The following MYBPC2 variants were observed in gnomAD, a reference collection of about 807,000 sequenced individuals.
MYBPC2 encodes the protein myosin-binding protein C, fast-type.
In MYBPC2, 122 loss-of-function variants were observed where a neutral mutation model predicts 137.0. The observed-to-expected ratio is 0.89, with a 90% CI of 0.77 to 1.03. MYBPC2 has a LOEUF of 1.03. Among genes scored for constraint, MYBPC2 ranks in the 50% least tolerant of loss-of-function variants. MYBPC2 has a pLI of 0.00. For missense variants in MYBPC2, 1,500 were observed against 1,534.4 expected (o/e 0.98, Z 0.37); for synonymous variants, 626 against 612.3 (o/e 1.02, Z -0.33).
rs34206117 is a variant in MYBPC2, at chr19:50,456,082, G to GTCCATCCATCCATCCATCCA, written c.2338+461_2338+480dup. ...CATCCATCCATCCATTCATCTTACC[G>GTCCATCCATCCATCCATCCA]TCCATCCATCCATCCATCCATCCAT... On this transcript the variant is annotated intron_variant, in intron 20 of 27. Coordinates refer to ENST00000357701, the MANE Select transcript of MYBPC2 (RefSeq NM_004533.4). Among the ~76,000 whole-genome samples, 13 of 127,896 alleles carry GTCCATCCATCCATCCATCCA rather than the reference G, an allele frequency of 1.0e-4. No homozygotes were observed. The East Asian group carries it at 3.3e-3, about 33-fold the overall frequency. The allele number at this position is 127,896 out of a possible 152,430, so 83.9% of individuals were successfully genotyped here. A position where few individuals can be genotyped will look rare whatever the true frequency, so the allele number is the denominator to read the frequency against.
chr19:50,436,563 G>T, intron 4 of MYBPC2, 54 bp from the exon 5 acceptor site: 1 of 1,450,466 alleles, frequency 6.9e-7, no homozygotes, highest in Non-Finnish European at 9.7e-7. Flanking sequence ...TGAGGAATAT[G>T]GGGTGGCTCT....
At position 50,433,912 on chromosome 19, in the gene MYBPC2, C is replaced by T. The variant is rs542746331; in HGVS notation, c.19+940C>T. Among the ~76,000 whole-genome samples the T allele has an allele frequency of 3.9e-5, 6 of 152,174 alleles. No homozygotes were observed. The South Asian group carries it at 8.3e-4, about 21-fold the overall frequency. ...GCAACATGGCGAGACCTTGTCTCTA[C>T]AAAAAATTAAAAATCAGCCAGGTGT... is the stretch of plus-strand genomic sequence containing the variant. On this transcript the variant is annotated intron_variant, in intron 1 of 27. Coordinates refer to ENST00000357701, the MANE Select transcript of MYBPC2 (RefSeq NM_004533.4).
rs1025609674 is a variant in MYBPC2 at position 50,464,540 on chromosome 19, C to G, written c.3415+8C>G. The stretch of plus-strand genomic sequence containing the variant: ...GCAAGCTGGAGGTCCGAGGTGAGGG[C>G]GTGGCCATCCCCAACACTGGCTGAC... On this transcript the variant is annotated splice_region_variant and intron_variant, in intron 27 of 27. Transcript: ENST00000357701. 6.3e-7 allele frequency: 1 copy of G among 1,595,912 alleles called. No homozygotes were observed. Among genetic ancestry groups the G allele is most frequent in the Non-Finnish European group, 8.5e-7 (1 of 1,172,486 alleles).
chr19:50,450,767 C>G lies in MYBPC2; in HGVS notation c.1473-62C>G, dbSNP rs111332041. 2,020 of 1,221,762 alleles carry G rather than the reference C, an allele frequency of 1.7e-3. 32 individuals are homozygous for G. In the African/African-American group the frequency reaches 0.027, roughly 16 times the overall value. 75.7% of individuals were successfully genotyped at this position (1,221,762 alleles called of 1,614,324 possible). A position where few individuals can be genotyped will look rare whatever the true frequency, so the allele number is the denominator to read the frequency against. On this transcript the variant is annotated intron_variant, in intron 13 of 27. Coordinates refer to ENST00000357701, the MANE Select transcript of MYBPC2 (RefSeq NM_004533.4). ...CTGAGGGAAGCTGATTGAGGCGGTG[C>G]AGCCCCATAGTGGTCCCATTGCAAT...
intron 11 of MYBPC2, among the ~76,000 whole-genome samples, chr19:50,445,299 T>A (rs2039793536): frequency 6.6e-6 from 1 of 151,968 alleles, no homozygotes; most frequent in Admixed American, 6.6e-5. Flanking sequence ...CCCCATGACA[T>A]CTTTTTGTGT....
Position 50,454,315 on chromosome 19 carries a change from TG to T in MYBPC2, c.1963del (p.Ala655ProfsTer21). The T allele has an allele frequency of 6.2e-7, 1 of 1,613,646 alleles. No individual in the cohort carries two copies. On this transcript the variant is annotated frameshift_variant, in exon 18 of 28. Coordinates refer to ENST00000357701, the MANE Select transcript of MYBPC2 (RefSeq NM_004533.4). LOFTEE classifies it high-confidence loss of function. Reference sequence around the variant, plus strand: ...GCGCATCACCTCGGTTGGAGAGGATTGGGCCATCCTTGTCTGGGAGCCACCA... The same window carrying T: ...GCGCATCACCTCGGTTGGAGAGGATTGGCCATCCTTGTCTGGGAGCCACCA... Reference protein sequence around the residue: ...AVRITSVGEDWAILVWEPPMY... With the variant: ...AVRITSVGEDXAILVWEPPMY...
chr19:50,456,079 A>ACCAT (rs1568666470), intron 20 of MYBPC2, among the ~76,000 whole-genome samples: 1 of 118,438 alleles, frequency 8.4e-6, no homozygotes, highest in African/African-American at 3.5e-5. Context: ...CATTCATCTT[A>ACCAT]CCGTCCATCC....
intron 12 of MYBPC2, 23 bp from the exon 13 acceptor site, chr19:50,448,202 C>T: frequency 1.9e-6 from 3 of 1,607,340 alleles, no homozygotes; most frequent in South Asian, 1.1e-5. Context: ...GTGACGGCTC[C>T]TTGTCTTTCT....
In MYBPC2 at chr19:50,446,014, C is replaced by T. The variant is rs767690816; in HGVS notation, c.1268C>T (p.Thr423Ile). The T allele has an allele frequency of 6.2e-7, 1 of 1,613,262 alleles. No individual in the cohort carries two copies. The highest frequency in any genetic ancestry group is 1.1e-5 in the South Asian group (1 of 90,884). ...QEDRGRYQVI[T>I]NGGQCEAELI... ...GACAGGGGTCGCTATCAGGTCATAACCAATGGCGGCCAGTGTGAGGCCGAG... is the reference window on the plus strand; with the variant it reads ...GACAGGGGTCGCTATCAGGTCATAATCAATGGCGGCCAGTGTGAGGCCGAG... Residue 423 changes from threonine to isoleucine, a missense_variant, in exon 12 of 28, where the codon ACC (threonine) becomes ATC (isoleucine). By Grantham distance (89) the Thr-to-Ile change is moderately conservative (BLOSUM62 -1). Coordinates refer to ENST00000357701, the MANE Select transcript of MYBPC2 (RefSeq NM_004533.4).
At chr19:50,451,071 G>A in intron 14 of MYBPC2, 136 bp downstream of exon 14, 2 of 1,022,046 alleles carry the variant, frequency 2.0e-6, no homozygotes, top group Non-Finnish European at 2.9e-6. Context: ...TCCCGCTCAT[G>A]GCTGGAGTCA....
chr19:50,443,645 T>C, intron 10 of MYBPC2, 27 bp downstream of exon 10: 1 of 1,612,458 alleles, frequency 6.2e-7, no homozygotes, highest in East Asian at 2.2e-5. Flanking sequence ...GAACTGAGCC[T>C]GGAGAGGGAC....
intron 23 of MYBPC2, 110 bp from the exon 24 acceptor site, chr19:50,459,930 G>A (rs949885377): frequency 6.8e-7 from 1 of 1,465,046 alleles, no homozygotes; most frequent in Non-Finnish European, 9.3e-7. Context: ...ATGGGAATGG[G>A]GCATAAGAGA....
At chr19:50,445,830 C>G in intron 11 of MYBPC2, 50 bp from the exon 12 acceptor site, 1 of 1,533,218 alleles carries the variant, frequency 6.5e-7, no homozygotes, top group South Asian at 1.2e-5. Context: ...AGACCCAGAC[C>G]GAGAGCTGTG....
At chr19:50,460,408 C>T (rs537905930) in intron 24 of MYBPC2, among the ~76,000 whole-genome samples, 2 of 152,118 alleles carry the variant, frequency 1.3e-5, no homozygotes, top group Non-Finnish European at 2.9e-5. Context: ...CGTTTTAAAG[C>T]GAACAATTCA....
At position 50,465,116 on chromosome 19, in the gene MYBPC2, C is replaced by T. The variant is rs558148656; in HGVS notation, c.3415+584C>T. ...ACCCTTGGACTCTGGCCCCAGAGAG[C>T]TCTCTCTATCCAGAGCTGCTCTGCC... is the stretch of plus-strand genomic sequence containing the variant. On this transcript the variant is annotated intron_variant, in intron 27 of 27. Transcript: ENST00000357701. The surrounding 1 kb of genome is among the most constrained non-coding windows in gnomAD (Gnocchi z 4.5). Among the ~76,000 whole-genome samples, 3 of 152,118 alleles carry T rather than the reference C, an allele frequency of 2.0e-5. No individual in the cohort carries two copies. The highest frequency in any genetic ancestry group is 4.4e-5 in the Non-Finnish European group (3 of 68,016).
intron 11 of MYBPC2, among the ~76,000 whole-genome samples, chr19:50,444,708 G>A (rs1168160915): frequency 7.3e-5 from 11 of 151,456 alleles, no homozygotes; most frequent in Non-Finnish European, 1.2e-4. Context: ...GTGAAACCCC[G>A]TTTCTACTAA....
chr19:50,448,514 G>A (rs2039827830), intron 13 of MYBPC2, 124 bp downstream of exon 13: 5 of 1,322,078 alleles, frequency 3.8e-6, no homozygotes, highest in Non-Finnish European at 5.1e-6. Flanking sequence ...TGTTGCCCAG[G>A]CTAGAGTGCA....
Position 50,465,420 on chromosome 19 carries a change from G to C in MYBPC2, c.3416-775G>C, listed in dbSNP as rs1353565090. 6.6e-6 allele frequency among the ~76,000 whole-genome samples: 1 copy of C among 152,210 alleles called. No homozygotes were observed. Among genetic ancestry groups the C allele is most frequent in the Non-Finnish European group, 1.5e-5 (1 of 68,038 alleles). ...AGGAGGCCACTAACCGTGTCCCTCA[G>C]AGCAGGATGACATCAATGTGGACTT... On this transcript the variant is annotated intron_variant, in intron 27 of 27. Coordinates refer to ENST00000357701, the MANE Select transcript of MYBPC2 (RefSeq NM_004533.4). The surrounding 1 kb of genome is among the most constrained non-coding windows in gnomAD (Gnocchi z 4.5).
Position 50,458,755 on chromosome 19 carries a change from G to T in MYBPC2, c.2506+1G>T. ...CCGGTCACCATCAGGGAGATTGCGG[G>T]TGCGTGGCCCCTGACCCTGCGCTCC... On this transcript the variant is annotated splice_donor_variant, in intron 21 of 27. Coordinates refer to ENST00000357701, the MANE Select transcript of MYBPC2 (RefSeq NM_004533.4). LOFTEE classifies it high-confidence loss of function. 1 of 1,606,988 alleles carries T rather than the reference G, an allele frequency of 6.2e-7. No individual in the cohort carries two copies. The highest frequency in any genetic ancestry group is 8.5e-7 in the Non-Finnish European group (1 of 1,179,748).
Sources: allele counts gnomAD v4.1 joint callset (sites outside exome capture counted in the v4.1 genomes callset), GRCh38; gene constraint gnomAD v4.1.1; non-coding constraint Gnocchi (gnomAD v3.1); transcripts MANE v1.5; gene names NCBI Gene and HGNC (gene_info 2026-07-23, HGNC 2026-07-21).